The following NAV3 variants were observed in gnomAD, a reference collection of about 807,000 sequenced individuals.
The protein encoded by NAV3 is neuron navigator 3.
Under a neutral mutation model 244.7 loss-of-function variants are expected in NAV3, and 87 were observed. The ratio of observed to expected loss-of-function variants is 0.36; its 90% CI spans 0.30 to 0.42. The LOEUF (loss-of-function observed/expected upper bound fraction) is 0.42, where lower values mean the gene tolerates loss of function less well. NAV3 is among the 20% of genes least tolerant of loss of function. The pLI, the probability that NAV3 is intolerant of heterozygous loss-of-function variation, is 1.00. For missense variants in NAV3, 2,663 were observed against 2,893.3 expected, an observed-to-expected ratio of 0.92 and a Z score of 1.83; for synonymous variants, 1,126 against 1,042.2, an observed-to-expected ratio of 1.08 and a Z score of -1.55.
chr12:78,140,301 A>C lies in NAV3; in HGVS notation c.4650A>C (p.Ser1550=), dbSNP rs1565710404. The C allele has an allele frequency of 6.2e-7, 1 of 1,613,472 alleles. No individual in the cohort carries two copies. The highest frequency in any genetic ancestry group is 8.5e-7 in the Non-Finnish European group (1 of 1,179,646). Residue 1550 remains serine (S), a synonymous_variant, in exon 20 of 40, where the codon TCA becomes TCC. Transcript: ENST00000397909. ...SMEEVHGSSL[S]LVSSTSSLYS... is the part of the protein sequence containing the mutation. ...CTCCAGTTCATGGCTCTTCATTATCACTGGTGTCCAGCACTTCTTCTCTTT... is the reference window on the plus strand; with the variant it reads ...CTCCAGTTCATGGCTCTTCATTATCCCTGGTGTCCAGCACTTCTTCTCTTT...
chr12:77,992,435 A>G (rs1434271502), intron 5 of NAV3, among the ~76,000 whole-genome samples: 1 of 152,172 alleles, frequency 6.6e-6, no homozygotes, highest in Non-Finnish European at 1.5e-5. Context: ...AGCTGTTGAG[A>G]TTTTCAGCCT....
chr12:77,953,260 T>G (rs565025123), intron 3 of NAV3, among the ~76,000 whole-genome samples: 12 of 152,284 alleles, frequency 7.9e-5, no homozygotes, highest in Admixed American at 2.6e-4. Context: ...CATATCTATG[T>G]CTATACAGCT....
At chr12:78,095,728 G>A (rs979198110) in intron 12 of NAV3, among the ~76,000 whole-genome samples, 1 of 152,170 alleles carries the variant, frequency 6.6e-6, no homozygotes, top group African/African-American at 2.4e-5. Flanking sequence ...TGGCCAGTTG[G>A]ATAGAGGTTG....
At chr12:78,153,392 G>A (rs898101633) in intron 22 of NAV3, among the ~76,000 whole-genome samples, 1 of 152,058 alleles carries the variant, frequency 6.6e-6, no homozygotes, top group Non-Finnish European at 1.5e-5. Flanking sequence ...CTACTAGCAT[G>A]TCCTTAGAAA....
At chr12:77,657,006 G>A (rs1447764296) in intron 2 of NAV3, among the ~76,000 whole-genome samples, 2 of 152,048 alleles carry the variant, frequency 1.3e-5, no homozygotes, top group African/African-American at 4.8e-5. Flanking sequence ...AGAGAAAGCA[G>A]GAAAGATCCA....
intron 31 of NAV3, among the ~76,000 whole-genome samples, chr12:78,186,576 C>T (rs559952330): frequency 6.6e-6 from 1 of 151,770 alleles, no homozygotes; most frequent in Non-Finnish European, 1.5e-5. Context: ...TTAAAAGCAG[C>T]TTTTTATAAG....
chr12:78,000,836 G>T (rs1296673413), intron 7 of NAV3, among the ~76,000 whole-genome samples: 1 of 151,020 alleles, frequency 6.6e-6, no homozygotes, highest in African/African-American at 2.4e-5. Context: ...AAATTAGCCT[G>T]GCATGGTGGC....
chr12:78,026,413 T>C (rs1301562824), intron 9 of NAV3, among the ~76,000 whole-genome samples: 1 of 152,186 alleles, frequency 6.6e-6, no homozygotes, highest in Non-Finnish European at 1.5e-5. Flanking sequence ...ATTTCATCCT[T>C]CCAGTTGCCC....
intron 1 of NAV3, among the ~76,000 whole-genome samples, chr12:77,901,690 G>A (rs897336794): frequency 2.0e-5 from 3 of 152,036 alleles, no homozygotes; most frequent in African/African-American, 7.2e-5. Context: ...TGGGCAACAG[G>A]GTGAGACTCT....
chr12:78,012,112 A>T (rs1439703109), intron 8 of NAV3, among the ~76,000 whole-genome samples: 1 of 152,098 alleles, frequency 6.6e-6, no homozygotes, highest in African/African-American at 2.4e-5. Flanking sequence ...AAGATACTAA[A>T]GAAGAAAAGA....
intron 37 of NAV3, 85 bp downstream of exon 37, chr12:78,199,616 A>T (rs1959416670): frequency 1.0e-6 from 1 of 993,804 alleles, no homozygotes. Flanking sequence ...AGAAAATAAC[A>T]AGCAAAGCTA....
chr12:77,736,138 A>T (rs1381130079), intron 2 of NAV3, among the ~76,000 whole-genome samples: 1 of 152,214 alleles, frequency 6.6e-6, no homozygotes, highest in East Asian at 1.9e-4. Context: ...ATTTTAGGCC[A>T]TATGCATTAG....
intron 8 of NAV3, among the ~76,000 whole-genome samples, chr12:78,013,738 G>A (rs1192604197): frequency 6.6e-6 from 1 of 152,042 alleles, no homozygotes; most frequent in Non-Finnish European, 1.5e-5. Flanking sequence ...TTGTGGGAGA[G>A]GTCAGAGTAG....
chr12:77,704,282 CAT>C (rs1168482712), intron 2 of NAV3, among the ~76,000 whole-genome samples: 3 of 152,034 alleles, frequency 2.0e-5, no homozygotes, highest in African/African-American at 7.2e-5. Flanking sequence ...TGAGTGCGTG[CAT>C]GTGTGTGTGG....
chr12:77,694,302 TA>T (rs112046163), intron 2 of NAV3, among the ~76,000 whole-genome samples: 316 of 141,332 alleles, frequency 2.2e-3, no homozygotes, highest in Middle Eastern at 3.6e-3. Flanking sequence ...CCATCTCTAC[TA>T]AAAAAAAAAA....
intron 3 of NAV3, among the ~76,000 whole-genome samples, chr12:77,949,464 A>G (rs947699212): frequency 6.6e-6 from 1 of 151,988 alleles, no homozygotes; most frequent in Non-Finnish European, 1.5e-5. Context: ...TCTGGAATTC[A>G]GGTCTTTGGA....
rs73133975 is a variant in NAV3 at position 77,599,748 on chromosome 12, G to A, written c.72+27482G>A. Among the ~76,000 whole-genome samples, 101 of 151,768 alleles carry A rather than the reference G, an allele frequency of 6.7e-4. No individual in the cohort carries two copies. The South Asian group carries it at 8.5e-3, about 13-fold the overall frequency. On this transcript the variant is annotated intron_variant, in intron 2 of 8. Coordinates refer to the NAV3 transcript ENST00000550042. ...TTAAGTCATCTTATTTTTTAAAAATGCATTACTATTATTAAAATCAGGTTT... is the reference window on the plus strand; with the variant it reads ...TTAAGTCATCTTATTTTTTAAAAATACATTACTATTATTAAAATCAGGTTT...
intron 2 of NAV3, among the ~76,000 whole-genome samples, chr12:77,619,461 T>C (rs74104966): frequency 6.6e-6 from 1 of 152,294 alleles, no homozygotes; most frequent in African/African-American, 2.4e-5. Flanking sequence ...ATTTTCTCTA[T>C]TGGTAAAGTA....
At chr12:77,934,126 G>C (rs949293412) in intron 1 of NAV3, among the ~76,000 whole-genome samples, 2 of 152,208 alleles carry the variant, frequency 1.3e-5, no homozygotes, top group Admixed American at 6.5e-5. Context: ...GCAGTGATGG[G>C]CTGGGGAGGG....
Sources: gnomAD v4.1 joint callset for allele counts (sites outside exome capture counted in the v4.1 genomes callset) on GRCh38, gnomAD v4.1.1 for gene constraint, MANE v1.5 for transcripts, NCBI Gene and HGNC (gene_info 2026-07-23, HGNC 2026-07-21) for gene names.